Variants in MYZAP observed in about 807,000 individuals in gnomAD.
MYZAP encodes myocardial zonula adherens protein.
In MYZAP, 66 loss-of-function variants were observed where a neutral mutation model predicts 69.4. The observed-to-expected ratio is 0.95, with a 90% CI of 0.78 to 1.17. MYZAP has a LOEUF of 1.17. Ranked by LOEUF, MYZAP falls within the 50% of genes most tolerant of loss-of-function variation. MYZAP has a pLI of 0.00. For synonymous variants in MYZAP, 256 were observed against 205.9 expected, an observed-to-expected ratio of 1.24 and a Z score of -2.09; for missense variants, 611 against 556.2, an observed-to-expected ratio of 1.10 and a Z score of -0.99.
intron 2 of MYZAP, among the ~76,000 whole-genome samples, chr15:57,616,822 CTTT>C (rs763856721): frequency 6.0e-4 from 30 of 50,058 alleles, no homozygotes; most frequent in East Asian, 5.8e-3. Flanking sequence ...AAAAAAAGTG[CTTT>C]TTTTTTTTTT....
At chr15:57,646,077 G>T (rs1187406685) in intron 10 of MYZAP, 1 of 1,085,414 alleles carries the variant, frequency 9.2e-7, no homozygotes, top group Non-Finnish European at 1.2e-6. Flanking sequence ...ATGGGGGTAG[G>T]GGAAAGGAGC....
rs114302080 is a variant in MYZAP at position 57,682,097 on chromosome 15, A to G, written c.1305-2305A>G. 1.6e-3 allele frequency among the ~76,000 whole-genome samples: 244 copies of G among 152,222 alleles called. 1 individual carries two copies. The highest frequency in any genetic ancestry group is 5.7e-3 in the African/African-American group (236 of 41,520). On this transcript the variant is annotated intron_variant, in intron 12 of 12. Transcript: ENST00000267853. Reference sequence around the variant, plus strand: ...TTAGCATGGTAAAGATTAATTTCCCATGTCAGTTTAAGGCCGTTTGGTATA... The same window carrying G: ...TTAGCATGGTAAAGATTAATTTCCCGTGTCAGTTTAAGGCCGTTTGGTATA...
intron 2 of MYZAP, among the ~76,000 whole-genome samples, chr15:57,613,913 C>T (rs916604100): frequency 6.6e-6 from 1 of 152,236 alleles, no homozygotes; most frequent in East Asian, 1.9e-4. Flanking sequence ...AAAATCAATA[C>T]TTTTCTTATT....
rs746542048 is a variant in MYZAP, at chr15:57,633,711, G to A, written c.903G>A (p.Glu301=). Residue 301 remains glutamate, a synonymous_variant, in exon 8 of 13, where the codon GAG becomes GAA. Transcript: ENST00000267853. ...AGGAGAAAGACCAGAGGATCGGGGA[G>A]CTGGACAGGCTGATTGAGCGCATGG... ...SLEEKDQRIG[E]LDRLIERMEK... 4 of 1,611,594 alleles carry A rather than the reference G, an allele frequency of 2.5e-6. No homozygotes were observed. Among genetic ancestry groups the A allele is most frequent in the Non-Finnish European group, 3.4e-6 (4 of 1,178,930 alleles).
intron 3 of MYZAP, among the ~76,000 whole-genome samples, chr15:57,621,203 T>TCC (rs1567210517): frequency 1.1e-4 from 13 of 119,020 alleles, no homozygotes; most frequent in Non-Finnish European, 2.4e-4. Context: ...TTCTTTCTTT[T>TCC]TCTTTTTTTT....
rs577120344 is a variant in MYZAP at position 57,638,880 on chromosome 15, A to G, written c.1014-560A>G. 2.0e-4 allele frequency among the ~76,000 whole-genome samples: 31 copies of G among 152,286 alleles called. No homozygotes were observed. In the East Asian group the frequency reaches 6.0e-3, roughly 29 times the overall value. ...CCCCGTCCTCCCCTCCAAGTAATTT[A>G]CTGGATGTTCCAATATGTTAATAAC... On this transcript the variant is annotated intron_variant, in intron 9 of 12. Transcript: ENST00000267853.
chr15:57,637,813 T>C, intron 9 of MYZAP, 39 bp downstream of exon 9: 3 of 1,574,660 alleles, frequency 1.9e-6, no homozygotes, highest in Non-Finnish European at 2.6e-6. Flanking sequence ...TGGATTTAGG[T>C]TGTGGACACG....
intron 10 of MYZAP, among the ~76,000 whole-genome samples, chr15:57,641,073 C>A (rs578104416): frequency 6.6e-6 from 1 of 152,138 alleles, no homozygotes; most frequent in Non-Finnish European, 1.5e-5. Context: ...CCCTTATTTT[C>A]CCCTATGCGA....
chr15:57,658,928 A>G (rs1419483471), intron 10 of MYZAP, among the ~76,000 whole-genome samples: 1 of 152,188 alleles, frequency 6.6e-6, no homozygotes, highest in Non-Finnish European at 1.5e-5. Context: ...TTATTCTGTC[A>G]AGTAAAACTA....
intron 11 of MYZAP, among the ~76,000 whole-genome samples, chr15:57,671,137 C>G (rs2038846071): frequency 6.6e-6 from 1 of 152,060 alleles, no homozygotes; most frequent in South Asian, 2.1e-4. Context: ...GTAAAACATT[C>G]TCTTAGTTTT....
At chr15:57,660,891 C>T (rs1444984977) in intron 10 of MYZAP, among the ~76,000 whole-genome samples, 2 of 152,142 alleles carry the variant, frequency 1.3e-5, no homozygotes, top group Non-Finnish European at 2.9e-5. Context: ...TACTCCAGGC[C>T]ACATGAGTCT....
intron 1 of MYZAP, among the ~76,000 whole-genome samples, chr15:57,597,729 C>T (rs1214248243): frequency 6.6e-6 from 1 of 152,212 alleles, no homozygotes; most frequent in East Asian, 1.9e-4. Context: ...TATTTACTGT[C>T]TGGCTCTCTA....
chr15:57,638,640 A>G (rs1246132530), intron 9 of MYZAP, among the ~76,000 whole-genome samples: 1 of 152,190 alleles, frequency 6.6e-6, no homozygotes, highest in Non-Finnish European at 1.5e-5. Context: ...AGAACTGAAG[A>G]GTCCAAGCAA....
chr15:57,655,571 T>C lies in MYZAP; in HGVS notation c.1120-5879T>C, dbSNP rs974432074. Among the ~76,000 whole-genome samples, 4 of 152,150 alleles carry C rather than the reference T, an allele frequency of 2.6e-5. No individual in the cohort carries two copies. In the South Asian group the frequency reaches 6.2e-4, roughly 24 times the overall value. Reference sequence around the variant, plus strand: ...ATGATTACTTAGCTCAAACCACCTATGCAGGTAACTCGATTGTAGCTAATG... The same window carrying C: ...ATGATTACTTAGCTCAAACCACCTACGCAGGTAACTCGATTGTAGCTAATG... On this transcript the variant is annotated intron_variant, in intron 10 of 12. Transcript: ENST00000267853.
intron 4 of MYZAP, among the ~76,000 whole-genome samples, chr15:57,624,535 C>T (rs753541698): frequency 3.2e-4 from 49 of 152,206 alleles, no homozygotes; most frequent in Non-Finnish European, 5.9e-5. Flanking sequence ...TTCTCACCTG[C>T]TTATGGAAAG....
chr15:57,629,340 A>G (rs73422900), intron 5 of MYZAP, among the ~76,000 whole-genome samples: 2,200 of 152,292 alleles, frequency 0.014, 52 homozygotes, highest in African/African-American at 0.047. Flanking sequence ...GGATTATACT[A>G]TACTTACTAT....
At chr15:57,618,595 A>G (rs1002661925) in intron 3 of MYZAP, among the ~76,000 whole-genome samples, 18 of 152,246 alleles carry the variant, frequency 1.2e-4, no homozygotes, top group Admixed American at 4.6e-4. Context: ...GTCAACCACA[A>G]TAGACTTTGT....
At chr15:57,593,983 C>T (rs928686805) in intron 1 of MYZAP, among the ~76,000 whole-genome samples, 6 of 151,924 alleles carry the variant, frequency 3.9e-5, no homozygotes, top group African/African-American at 1.5e-4. Context: ...GTCCGCCCTA[C>T]CTGTAGAGGC....
chr15:57,619,992 T>C (rs1398449292), intron 3 of MYZAP, among the ~76,000 whole-genome samples: 1 of 152,152 alleles, frequency 6.6e-6, no homozygotes, highest in African/African-American at 2.4e-5. Flanking sequence ...TGGCTTCAGT[T>C]CCATCCCTGG....
Sources: allele counts gnomAD v4.1 joint callset (sites outside exome capture counted in the v4.1 genomes callset), GRCh38; gene constraint gnomAD v4.1.1; transcripts MANE v1.5; gene names NCBI Gene and HGNC (gene_info 2026-07-23, HGNC 2026-07-21).